Variants in C8orf89 observed in about 807,000 individuals in gnomAD.
C8orf89 encodes chromosome 8 open reading frame 89.
Under a neutral mutation model 15.8 loss-of-function variants are expected in C8orf89, and 14 were observed. The observed-to-expected ratio is 0.89, with a 90% confidence interval of 0.59 to 1.39. C8orf89 has a LOEUF of 1.39. C8orf89 is among the 40% of genes most tolerant of loss of function. The pLI is 0.00. For synonymous variants in C8orf89, 55 were observed against 62.2 expected, an observed-to-expected ratio of 0.88 and a Z score of 0.54; for missense variants, 181 against 184.5, an observed-to-expected ratio of 0.98 and a Z score of 0.11.
the C8orf89 span, among the ~76,000 whole-genome samples, chr8:73,271,332 C>G: frequency 6.6e-6 from 1 of 152,154 alleles, no homozygotes; most frequent in African/African-American, 2.4e-5. Context: ...GAGTGGATCT[C>G]TCATGAATGG....
At chr8:73,263,886 AG>A (rs1458938100), upstream of C8orf89, among the ~76,000 whole-genome samples, 1 of 152,220 alleles carries the variant, frequency 6.6e-6, no homozygotes, top group African/African-American at 2.4e-5. Context: ...CATTGTTCCT[AG>A]GGGGACTTAT....
chr8:73,256,573 CA>C (rs1370494554), intron 2 of C8orf89, among the ~76,000 whole-genome samples: 1 of 151,432 alleles, frequency 6.6e-6, no homozygotes, highest in Non-Finnish European at 1.5e-5. Flanking sequence ...ACTAAAAATA[CA>C]AAAATTAGCT....
chr8:73,277,774 C>T, the C8orf89 span: 1 of 738,922 alleles, frequency 1.4e-6, no homozygotes, highest in East Asian at 2.6e-5. Flanking sequence ...TCCGCAGCTT[C>T]CCCTCAACAG....
Position 73,241,439 on chromosome 8 carries a change from C to A in C8orf89, c.*18G>T. Reference sequence around the variant, plus strand: ...GCTTAAAAGTCACTGAAGAAAGCATCACACTGTACGACATTTTTCAGCGGT... The same window carrying A: ...GCTTAAAAGTCACTGAAGAAAGCATAACACTGTACGACATTTTTCAGCGGT... On this transcript the variant is annotated 3_prime_UTR_variant, in exon 4 of 4. Transcript: ENST00000624510. 1 of 1,487,738 alleles carries A rather than the reference C, an allele frequency of 6.7e-7. No individual in the cohort carries two copies. The highest frequency in any genetic ancestry group is 8.9e-7 in the Non-Finnish European group (1 of 1,121,148). The allele number at this position is 1,487,738 out of a possible 1,614,324, so 92.2% of individuals were successfully genotyped here.
chr8:73,261,762 G>A (rs1177594708), upstream of C8orf89, among the ~76,000 whole-genome samples: 1 of 152,166 alleles, frequency 6.6e-6, no homozygotes, highest in Admixed American at 6.5e-5. Flanking sequence ...AGGAAACGTA[G>A]TCAGGGACAG....
At chr8:73,277,943 T>C in the C8orf89 span, 2 of 662,982 alleles carry the variant, frequency 3.0e-6, no homozygotes, top group Non-Finnish European at 5.8e-6. Flanking sequence ...GAGAAACATG[T>C]CTGTGTTGGC....
At chr8:73,277,890 C>G in the C8orf89 span, 5 of 689,004 alleles carry the variant, frequency 7.3e-6, no homozygotes, top group Non-Finnish European at 1.4e-5. Flanking sequence ...ATTTTCAGGT[C>G]TATATCCTCC....
chr8:73,257,592 TTG>T (rs1813425977), intron 1 of C8orf89, among the ~76,000 whole-genome samples: 2 of 152,228 alleles, frequency 1.3e-5, no homozygotes, highest in South Asian at 4.1e-4. Context: ...GGCACTGATT[TTG>T]ATTTTCTGTC....
intron 3 of C8orf89, 65 bp from the exon 4 acceptor site, chr8:73,241,670 A>C: frequency 3.2e-6 from 4 of 1,236,998 alleles, no homozygotes; most frequent in Non-Finnish European, 3.2e-6. Context: ...ATATTCTATT[A>C]AATATAATGT....
the C8orf89 span, chr8:73,277,628 A>C: frequency 1.3e-6 from 1 of 761,136 alleles, no homozygotes; most frequent in Non-Finnish European, 2.5e-6. Context: ...GGACCATAGA[A>C]CTTTTTCTTT....
the C8orf89 span, among the ~76,000 whole-genome samples, chr8:73,266,093 A>T: frequency 6.6e-6 from 1 of 152,254 alleles, no homozygotes; most frequent in Non-Finnish European, 1.5e-5. Context: ...TGAATTTCAA[A>T]ACACTAATGA....
chr8:73,273,461 C>T, the C8orf89 span, among the ~76,000 whole-genome samples: 85,948 of 152,124 alleles, frequency 0.56, 24,549 homozygotes, highest in South Asian at 0.73. Context: ...ACATGCCAGC[C>T]GCCTGCCACC....
intron 2 of C8orf89, among the ~76,000 whole-genome samples, chr8:73,256,011 A>C (rs902106328): frequency 6.6e-6 from 1 of 151,508 alleles, no homozygotes; most frequent in Non-Finnish European, 1.5e-5. Flanking sequence ...CTAATGCTAA[A>C]TGACGAGTTA....
the C8orf89 span, among the ~76,000 whole-genome samples, chr8:73,274,422 A>T: frequency 6.6e-6 from 1 of 152,172 alleles, no homozygotes; most frequent in African/African-American, 2.4e-5. Context: ...AAGTGCTGGG[A>T]TTACAAGTGT....
At chr8:73,246,799 T>C (rs1300704967) in intron 3 of C8orf89, among the ~76,000 whole-genome samples, 1 of 152,216 alleles carries the variant, frequency 6.6e-6, no homozygotes, top group Non-Finnish European at 1.5e-5. Context: ...TTCATGAACA[T>C]TTAAACTTAT....
At chr8:73,247,291 C>T (rs1186556335) in intron 3 of C8orf89, among the ~76,000 whole-genome samples, 1 of 151,812 alleles carries the variant, frequency 6.6e-6, no homozygotes, top group South Asian at 2.1e-4. Flanking sequence ...TTTATGGCTG[C>T]ATAGTATTCC....
the C8orf89 span, chr8:73,277,741 A>C: frequency 1.3e-6 from 1 of 746,010 alleles, no homozygotes; most frequent in Non-Finnish European, 2.5e-6. Context: ...CAGCTCGTCC[A>C]CATGGGTTTT....
the C8orf89 span, among the ~76,000 whole-genome samples, chr8:73,278,931 CT>C: frequency 4.0e-4 from 61 of 151,954 alleles, no homozygotes; most frequent in African/African-American, 1.4e-3. Flanking sequence ...CTCTTTTTTT[CT>C]TTTTTTCCCC....
intron 2 of C8orf89, among the ~76,000 whole-genome samples, chr8:73,255,324 T>G (rs904965802): frequency 1.3e-5 from 2 of 152,094 alleles, no homozygotes. Flanking sequence ...AAACAGACAC[T>G]TCTCAAAAGA....
Sources: allele counts gnomAD v4.1 joint callset (sites outside exome capture counted in the v4.1 genomes callset), GRCh38; gene constraint gnomAD v4.1.1; transcripts MANE v1.5; gene names NCBI Gene and HGNC (gene_info 2026-07-23, HGNC 2026-07-21).